Variants in CDS2 observed in about 807,000 individuals in gnomAD.
CDS2 encodes the protein CDP-diacylglycerol synthase 2.
In CDS2, 47 loss-of-function variants were observed where a neutral mutation model predicts 59.0. The observed-to-expected ratio is 0.80, with a 90% CI of 0.63 to 1.02. The LOEUF is 1.02. Ranked by LOEUF, CDS2 falls within the 50% of genes least tolerant of loss-of-function variation. CDS2 has a pLI of 0.00. For missense variants in CDS2, 356 were observed against 558.9 expected, an observed-to-expected ratio of 0.64 and a Z score of 3.66; for synonymous variants, 207 against 206.4, an observed-to-expected ratio of 1.00 and a Z score of -0.02.
chr20:5,164,635 A>AC (rs1463945144), intron 1 of CDS2, among the ~76,000 whole-genome samples: 292 of 152,040 alleles, frequency 1.9e-3, no homozygotes, highest in African/African-American at 6.3e-3. Context: ...ACTGAAAAAA[A>AC]AAAAAAATTC....
intron 1 of CDS2, among the ~76,000 whole-genome samples, chr20:5,152,315 T>G (rs1358932045): frequency 2.0e-5 from 3 of 152,176 alleles, no homozygotes; most frequent in African/African-American, 7.2e-5. Flanking sequence ...GGATTTCTTT[T>G]TTTGGCCAAG....
intron 1 of CDS2, among the ~76,000 whole-genome samples, chr20:5,139,619 C>T (rs1488288522): frequency 6.6e-6 from 1 of 152,148 alleles, no homozygotes; most frequent in African/African-American, 2.4e-5. Flanking sequence ...TGAAAGTGGA[C>T]ATCCTTGTCT....
At chr20:5,185,213 G>A (rs746927318) in intron 8 of CDS2, among the ~76,000 whole-genome samples, 4 of 152,124 alleles carry the variant, frequency 2.6e-5, no homozygotes, top group Non-Finnish European at 5.9e-5. Context: ...TTGAGGCCAG[G>A]TGTTCAAAAG....
rs2090557363 is a variant in CDS2 at position 5,127,020 on chromosome 20, G to C, written c.-73G>C. ...CGGGGCCGGCCGTGGGAGTCCGCGC[G>C]TGCCCGCGCCGAGCTGCCTGCTCCG... On this transcript the variant is annotated 5_prime_UTR_variant, in exon 1 of 13. Coordinates refer to ENST00000460006, the MANE Select transcript of CDS2 (RefSeq NM_003818.4). 2 of 1,402,402 alleles carry C rather than the reference G, an allele frequency of 1.4e-6. No homozygotes were observed. Among genetic ancestry groups the C allele is most frequent in the African/African-American group, 1.5e-5 (1 of 65,650 alleles). 86.9% of individuals were successfully genotyped at this position (1,402,402 alleles called of 1,614,324 possible). A position where few individuals can be genotyped will look rare whatever the true frequency, so the allele number is the denominator to read the frequency against.
Position 5,190,335 on chromosome 20 carries a change from C to A in CDS2, c.*101C>A. 3.4e-5 allele frequency: 33 copies of A among 974,446 alleles called. No homozygotes were observed. Among genetic ancestry groups the A allele is most frequent in the Non-Finnish European group, 4.6e-5 (32 of 690,020 alleles). 60.4% of individuals were successfully genotyped at this position (974,446 alleles called of 1,614,324 possible). On this transcript the variant is annotated 3_prime_UTR_variant, in exon 13 of 13. Coordinates refer to ENST00000460006, the MANE Select transcript of CDS2 (RefSeq NM_003818.4). ...CTTAGACAATGACGAGGCTTCAACTCACTGTCTTTTTTTTTTTTTTTTGGA... is the reference window on the plus strand; with the variant it reads ...CTTAGACAATGACGAGGCTTCAACTAACTGTCTTTTTTTTTTTTTTTTGGA...
intron 1 of CDS2, among the ~76,000 whole-genome samples, chr20:5,172,313 G>A (rs949887026): frequency 6.6e-6 from 1 of 152,176 alleles, no homozygotes; most frequent in African/African-American, 2.4e-5. Flanking sequence ...GTCTAACCTC[G>A]CCTGAGGTGA....
rs1366866324 is a variant in CDS2, at chr20:5,194,057, A to G, written c.*3823A>G. 6.6e-6 allele frequency: 1 copy of G among 152,210 alleles called. No individual in the cohort carries two copies. The highest frequency in any genetic ancestry group is 2.4e-5 in the African/African-American group (1 of 41,438). 9.4% of individuals were successfully genotyped at this position (152,210 alleles called of 1,614,324 possible). A position where few individuals can be genotyped will look rare whatever the true frequency, so the allele number is the denominator to read the frequency against. On this transcript the variant is annotated 3_prime_UTR_variant, in exon 13 of 13. Coordinates refer to ENST00000460006, the MANE Select transcript of CDS2 (RefSeq NM_003818.4). ...CACATTGCAAGACAGTAAGCCGCGG[A>G]TGGACTCTCACTTGTGCTTTGGAAC... is the stretch of plus-strand genomic sequence containing the variant.
chr20:5,135,279 G>T (rs1236698079), intron 1 of CDS2, among the ~76,000 whole-genome samples: 3 of 152,172 alleles, frequency 2.0e-5, no homozygotes, highest in African/African-American at 7.2e-5. Context: ...TGTTTGAAAA[G>T]ATTTGAGTGT....
chr20:5,163,261 A>G (rs1236389278), intron 1 of CDS2, among the ~76,000 whole-genome samples: 1 of 151,920 alleles, frequency 6.6e-6, no homozygotes, highest in East Asian at 1.9e-4. Flanking sequence ...TTTCGTTTTT[A>G]TTTTTATTTA....
chr20:5,141,603 A>T (rs1262626999), intron 1 of CDS2, among the ~76,000 whole-genome samples: 1 of 152,148 alleles, frequency 6.6e-6, no homozygotes, highest in African/African-American at 2.4e-5. Context: ...GTATATTTGT[A>T]TCCAATATAC....
At chr20:5,165,219 C>T (rs369339474) in intron 1 of CDS2, among the ~76,000 whole-genome samples, 1 of 152,108 alleles carries the variant, frequency 6.6e-6, no homozygotes, top group Non-Finnish European at 1.5e-5. Context: ...TGGAAACCCC[C>T]GTATTGCTTA....
intron 1 of CDS2, among the ~76,000 whole-genome samples, chr20:5,133,586 G>T (rs933911763): frequency 6.6e-6 from 1 of 152,182 alleles, no homozygotes; most frequent in Non-Finnish European, 1.5e-5. Flanking sequence ...GGAGTGTAAT[G>T]GTATAATCTC....
chr20:5,176,467 A>G (rs1454385892), intron 3 of CDS2, 181 bp from the exon 4 acceptor site: 2 of 588,030 alleles, frequency 3.4e-6, no homozygotes, highest in East Asian at 5.6e-5. Flanking sequence ...TCCCTGTGAC[A>G]TAGAGGGCTG....
In CDS2 at chr20:5,186,772, A is replaced by T. The variant is rs1408450361; in HGVS notation, c.914A>T (p.Glu305Val). 1.2e-6 allele frequency: 2 copies of T among 1,613,936 alleles called. No individual in the cohort carries two copies. The highest frequency in any genetic ancestry group is 1.7e-6 in the Non-Finnish European group (2 of 1,180,010). ...ACCAACAGCTTCACTGTGGACTGTG[A>T]GCCCTCGGACCTGTTTCGCCTGCAG... ...NDTNSFTVDC[E>V]PSDLFRLQEY... The change falls in exon 10 of 13, where the codon GAG becomes GTG. Residue 305 changes from glutamate (E) to valine (V), a missense_variant. Transcript: ENST00000460006.
At chr20:5,186,656 C>A in intron 9 of CDS2, 31 bp from the exon 10 acceptor site, 2 of 1,611,262 alleles carry the variant, frequency 1.2e-6, no homozygotes, top group South Asian at 2.2e-5. Context: ...GAACTTACTT[C>A]CTTGCCGGTC....
At chr20:5,158,513 C>G (rs918751330) in intron 1 of CDS2, among the ~76,000 whole-genome samples, 1 of 152,124 alleles carries the variant, frequency 6.6e-6, no homozygotes, top group Non-Finnish European at 1.5e-5. Context: ...TAAAATCTCA[C>G]CAAGATTTTT....
intron 10 of CDS2, chr20:5,187,291 A>C (rs2091076674): frequency 5.4e-6 from 1 of 185,748 alleles, no homozygotes; most frequent in Non-Finnish European, 1.2e-5. Flanking sequence ...AATGTCTATG[A>C]AATAGTAAAG....
intron 1 of CDS2, among the ~76,000 whole-genome samples, chr20:5,146,351 G>A (rs543680979): frequency 3.0e-4 from 45 of 152,294 alleles, no homozygotes; most frequent in Non-Finnish European, 5.7e-4. Flanking sequence ...ATGAAGCAGA[G>A]GAGTCAGGGA....
intron 1 of CDS2, among the ~76,000 whole-genome samples, chr20:5,150,921 A>T: frequency 6.6e-6 from 1 of 152,222 alleles, no homozygotes; most frequent in East Asian, 1.9e-4. Flanking sequence ...CAAAACTATC[A>T]GGGGAACAAA....
Sources: allele counts gnomAD v4.1 joint callset (sites outside exome capture counted in the v4.1 genomes callset), GRCh38; gene constraint gnomAD v4.1.1; transcripts MANE v1.5; gene names NCBI Gene and HGNC (gene_info 2026-07-23, HGNC 2026-07-21).